HDLBP: variants seen among roughly 807,000 people sequenced by gnomAD.
The protein encoded by HDLBP is vigilin.
HDLBP carries 30 observed loss-of-function variants against 137.3 expected under a neutral mutation model. The ratio of observed to expected loss-of-function variants is 0.22; its 90% CI spans 0.16 to 0.30. The LOEUF (loss-of-function observed/expected upper bound fraction) is 0.30. HDLBP is among the 10% of genes least tolerant of loss of function. The probability of loss-of-function intolerance (pLI) is 1.00; values close to 1 mark genes in which losing one functional copy is unlikely to be tolerated. For missense variants in HDLBP, 1,119 were observed against 1,667.3 expected (o/e 0.67, Z 5.73); for synonymous variants, 606 against 596.0 (o/e 1.02, Z -0.24).
chr2:241,256,493 CCCA>C (rs1177178648), intron 6 of HDLBP, 94 bp from the exon 7 acceptor site: 2 of 1,493,374 alleles, frequency 1.3e-6, no homozygotes, highest in East Asian at 2.3e-5. Flanking sequence ...GCCCTCCACC[CCCA>C]CCACATTATG....
chr2:241,237,085 G>C (rs2070627455), intron 20 of HDLBP, among the ~76,000 whole-genome samples: 3 of 152,026 alleles, frequency 2.0e-5, no homozygotes, highest in East Asian at 1.9e-4. Context: ...CTACAGCAGA[G>C]GCTTCAGTGA....
chr2:241,275,584 G>A (rs1174914727), intron 1 of HDLBP, among the ~76,000 whole-genome samples: 1 of 152,084 alleles, frequency 6.6e-6, no homozygotes, highest in African/African-American at 2.4e-5. Context: ...TCCCAAAAAA[G>A]ACAGAGAAGG....
intron 1 of HDLBP, among the ~76,000 whole-genome samples, chr2:241,293,028 G>A (rs546181256): frequency 3.1e-4 from 46 of 146,898 alleles, no homozygotes; most frequent in African/African-American, 1.1e-3. Flanking sequence ...CCCCGTCTCA[G>A]AAAAGAAGAA....
Position 241,233,276 on chromosome 2 carries a change from G to A in HDLBP, c.3288+544C>T, listed in dbSNP as rs886858232. ...TGCATGCCAGGTGGCAGGGCCCAGA[G>A]AGGGGATGGGGCTGCCTTTCATTTT... is the stretch of plus-strand genomic sequence containing the variant. On this transcript the variant is annotated intron_variant, in intron 24 of 27. Coordinates refer to ENST00000310931, the MANE Select transcript of HDLBP (RefSeq NM_005336.6). The surrounding 1 kb of genome is among the most constrained non-coding windows in gnomAD (Gnocchi z 4.3). Among the ~76,000 whole-genome samples, 2 of 152,208 alleles carry A rather than the reference G, an allele frequency of 1.3e-5. No homozygotes were observed. The highest frequency in any genetic ancestry group is 4.8e-5 in the African/African-American group (2 of 41,450).
At chr2:241,241,282 A>G (rs905473635) in intron 17 of HDLBP, among the ~76,000 whole-genome samples, 1 of 152,202 alleles carries the variant, frequency 6.6e-6, no homozygotes, top group Non-Finnish European at 1.5e-5. Context: ...TCCACAAAAC[A>G]GTGGGCCGGG....
chr2:241,256,549 G>C, intron 6 of HDLBP, 51 bp downstream of exon 6: 2 of 1,581,484 alleles, frequency 1.3e-6, no homozygotes, highest in Non-Finnish European at 1.7e-6. Flanking sequence ...GAGGGAGTGA[G>C]GTCTGCACAA....
rs374137666 is a variant in HDLBP, at chr2:241,267,489, G to A, written c.-37-583C>T. 1.3e-4 allele frequency: 170 copies of A among 1,306,830 alleles called. 1 individual carries two copies. In the African/African-American group the frequency reaches 2.1e-3, roughly 16 times the overall value. 81.0% of individuals were successfully genotyped at this position (1,306,830 alleles called of 1,614,324 possible). Reference sequence around the variant, plus strand: ...GGGGGGACCATGGAACCTGCCACCTGCCTGACCCAGGCTCCAGGCATAGAT... The same window carrying A: ...GGGGGGACCATGGAACCTGCCACCTACCTGACCCAGGCTCCAGGCATAGAT... On this transcript the variant is annotated intron_variant, in intron 2 of 27. Transcript: ENST00000310931.
Position 241,255,537 on chromosome 2 carries a change from T to C in HDLBP, c.917A>G (p.Gln306Arg). 6.2e-7 allele frequency: 1 copy of C among 1,614,166 alleles called. No homozygotes were observed. The highest frequency in any genetic ancestry group is 8.5e-7 in the Non-Finnish European group (1 of 1,179,992). ...CTTGGGCCCAATGACATACTTGTGT[T>C]GGGATTTCTTCACTTCCACTGCAAT... The part of the protein sequence containing the change: ...TTIAVEVKKS[Q>R]HKYVIGPKGN... Residue 306 changes from glutamine (Q) to arginine (R), a missense_variant, in exon 8 of 28, where the codon CAA becomes CGA. Coordinates refer to ENST00000310931, the MANE Select transcript of HDLBP (RefSeq NM_005336.6).
chr2:241,257,535 G>A (rs2072751985), intron 5 of HDLBP, among the ~76,000 whole-genome samples: 1 of 152,054 alleles, frequency 6.6e-6, no homozygotes, highest in South Asian at 2.1e-4. Context: ...CTGGCCAAAA[G>A]ATGTGTTTCT....
At chr2:241,250,051 G>C (rs1241328325) in intron 11 of HDLBP, 71 bp from the exon 12 acceptor site, 27 of 1,467,632 alleles carry the variant, frequency 1.8e-5, no homozygotes, top group Non-Finnish European at 2.3e-5. Flanking sequence ...TAACTGGGCA[G>C]GACAGCGCTA....
At position 241,242,684 on chromosome 2, in the gene HDLBP, A is replaced by G; in HGVS notation, c.1951-6T>C. ...TCTACCTCGGCTATGTTGGCCTGAA[A>G]CCAAACACAGGGCAGGAGGAGGAAG... On this transcript the variant is annotated splice_region_variant and splice_polypyrimidine_tract_variant and intron_variant, in intron 16 of 27. Transcript: ENST00000310931. 2 of 1,611,378 alleles carry G rather than the reference A, an allele frequency of 1.2e-6. No homozygotes were observed. The highest frequency in any genetic ancestry group is 2.2e-5 in the East Asian group (1 of 44,858).
chr2:241,262,712 T>G lies in HDLBP; in HGVS notation c.449A>C (p.Gln150Pro), dbSNP rs1367918749. 1 of 1,611,916 alleles carries G rather than the reference T, an allele frequency of 6.2e-7. No individual in the cohort carries two copies. The highest frequency in any genetic ancestry group is 8.5e-7 in the Non-Finnish European group (1 of 1,178,644). ...RKDIVARLQT[Q>P]ASATVAIPKE... ...AGAAGTAGGCCTCAGGCTACCCACC[T>G]GAGTCTGCAGTCTAGCAACAATGTC... Residue 150 changes from glutamine to proline, a missense_variant and splice_region_variant, in exon 5 of 28, where the codon CAG (glutamine) becomes CCG (proline). This residue lies in a region of HDLBP where 425 missense variants were observed against 693.9 expected (regional missense o/e 0.61). Transcript: ENST00000310931.
At chr2:241,250,064 G>C in intron 11 of HDLBP, 84 bp from the exon 12 acceptor site, 1 of 1,350,776 alleles carries the variant, frequency 7.4e-7, no homozygotes, top group Non-Finnish European at 1.0e-6. Flanking sequence ...CAGCGCTAAA[G>C]CGCTAAATAA....
chr2:241,230,012 A>C lies in HDLBP; in HGVS notation c.3592-51T>G, dbSNP rs769139339. 1.9e-6 allele frequency: 3 copies of C among 1,570,098 alleles called. No homozygotes were observed. Among genetic ancestry groups the C allele is most frequent in the Non-Finnish European group, 2.6e-6 (3 of 1,155,846 alleles). ...GGTCAGTCTGCCCAGCACCCCCAGC[A>C]TCCCGCCCGCCTGCTCACCCCTGCA... On this transcript the variant is annotated intron_variant, in intron 26 of 27. Coordinates refer to ENST00000310931, the MANE Select transcript of HDLBP (RefSeq NM_005336.6). This position sits in a 1 kb window ranked among gnomAD's most constrained non-coding sequence, Gnocchi z 5.0.
chr2:241,307,073 G>T (rs1419416823), intron 1 of HDLBP, among the ~76,000 whole-genome samples: 1 of 146,902 alleles, frequency 6.8e-6, no homozygotes, highest in African/African-American at 2.5e-5. Context: ...TTCTTTTTTG[G>T]GGGGCGGGGG....
intron 16 of HDLBP, among the ~76,000 whole-genome samples, chr2:241,245,034 C>T (rs188866395): frequency 2.3e-3 from 357 of 152,086 alleles, no homozygotes; most frequent in Admixed American, 4.3e-3. Flanking sequence ...TAAAATGATA[C>T]ATTCTGCTAT....
chr2:241,301,940 G>C (rs1299247602), intron 1 of HDLBP, among the ~76,000 whole-genome samples: 3 of 152,012 alleles, frequency 2.0e-5, no homozygotes, highest in African/African-American at 7.3e-5. Flanking sequence ...AATGGTAAAA[G>C]AGGCCGAGGG....
At chr2:241,267,458 A>C in intron 2 of HDLBP, 1 of 901,194 alleles carries the variant, frequency 1.1e-6, no homozygotes, top group Non-Finnish European at 1.7e-6. Flanking sequence ...CCCTAACCGC[A>C]GGGGTGGGGG....
At chr2:241,308,096 G>A (rs1015249976) in intron 1 of HDLBP, among the ~76,000 whole-genome samples, 9 of 152,138 alleles carry the variant, frequency 5.9e-5, no homozygotes, top group Non-Finnish European at 1.0e-4. Context: ...TCTCCTTTGA[G>A]GACAACTAAA....
Sources: gnomAD v4.1 joint callset for allele counts (sites outside exome capture counted in the v4.1 genomes callset) on GRCh38, gnomAD v4.1.1 for gene constraint, gnomAD v4.1.1 regional missense constraint, Gnocchi (gnomAD v3.1) non-coding constraint, MANE v1.5 for transcripts, NCBI Gene and HGNC (gene_info 2026-07-23, HGNC 2026-07-21) for gene names.